Variants in BRCA1 observed in about 807,000 individuals in gnomAD.
BRCA1 encodes the protein BRCA1 DNA repair associated, also known as breast cancer type 1 susceptibility protein.
In BRCA1, 140 loss-of-function variants were observed where a neutral mutation model predicts 173.7. The ratio of observed to expected loss-of-function variants is 0.81; its 90% CI spans 0.70 to 0.93. BRCA1 has a LOEUF of 0.93. Ranked by LOEUF, BRCA1 falls within the 40% of genes least tolerant of loss-of-function variation. BRCA1 has a pLI of 0.00. For missense variants in BRCA1, 1,983 were observed against 2,172.5 expected (o/e 0.91, Z 1.73); for synonymous variants, 662 against 756.0 (o/e 0.88, Z 2.04).
At chr17:43,097,826 C>T (rs1027377234) in intron 7 of BRCA1, among the ~76,000 whole-genome samples, 1 of 152,138 alleles carries the variant, frequency 6.6e-6, no homozygotes, top group African/African-American at 2.4e-5. Flanking sequence ...TAGTTAAGTG[C>T]TCCTAAATAT....
chr17:43,091,010 C>A lies in BRCA1; in HGVS notation c.4119G>T (p.Glu1373Asp). 6.2e-7 allele frequency: 1 copy of A among 1,612,898 alleles called. No homozygotes were observed. The highest frequency in any genetic ancestry group is 8.5e-7 in the Non-Finnish European group (1 of 1,179,586). ...AGTCTTCAGAGACGCTTGTTTCACT[C>A]TCACACCCAGATGCTGCTTCACCTT... ...SNLGEAASGC[E>D]SETSVSEDCS... Residue 1373 changes from glutamate (E) to aspartate (D), a missense_variant, in exon 11 of 23, where the codon GAG becomes GAT. Coordinates refer to ENST00000357654, the MANE Select transcript of BRCA1 (RefSeq NM_007294.4).
chr17:43,075,488 C>A (rs141326951), intron 13 of BRCA1, among the ~76,000 whole-genome samples: 212 of 152,122 alleles, frequency 1.4e-3, no homozygotes, highest in Non-Finnish European at 2.5e-3. Flanking sequence ...TTATTGGGTG[C>A]TTACTATGGG....
chr17:43,058,100 C>T (rs2051588519), intron 18 of BRCA1, among the ~76,000 whole-genome samples: 1 of 150,740 alleles, frequency 6.6e-6, no homozygotes, highest in African/African-American at 2.4e-5. Flanking sequence ...ATGGCTCACA[C>T]CTATAACCCT....
chr17:43,088,587 T>C (rs970492636), intron 11 of BRCA1, among the ~76,000 whole-genome samples: 4 of 152,242 alleles, frequency 2.6e-5, no homozygotes, highest in African/African-American at 9.6e-5. Flanking sequence ...ATGATGCACA[T>C]ATATAACTTT....
intron 4 of BRCA1, among the ~76,000 whole-genome samples, chr17:43,105,929 C>A (rs1328956519): frequency 2.0e-5 from 3 of 151,974 alleles, no homozygotes; most frequent in East Asian, 1.9e-4. Context: ...TCAGGAGTTA[C>A]CAGCCTGGGC....
At position 43,044,822 on chromosome 17, in the gene BRCA1, T is replaced by C; in HGVS notation, c.*856A>G. The C allele has an allele frequency of 2.4e-6, 1 of 414,712 alleles. No homozygotes were observed. The highest frequency in any genetic ancestry group is 1.9e-5 in the South Asian group (1 of 52,652). 25.7% of individuals were successfully genotyped at this position (414,712 alleles called of 1,614,324 possible). A position where few individuals can be genotyped will look rare whatever the true frequency, so the allele number is the denominator to read the frequency against. On this transcript the variant is annotated 3_prime_UTR_variant, in exon 23 of 23. Transcript: ENST00000357654. ...CATTTTCCTTTTTTTTTTTTTTTTTTTGAGCCACAGTCTCACTGTCACCCA... is the reference window on the plus strand; with the variant it reads ...CATTTTCCTTTTTTTTTTTTTTTTTCTGAGCCACAGTCTCACTGTCACCCA...
intron 1 of BRCA1, among the ~76,000 whole-genome samples, chr17:43,133,437 G>C (rs1473411829): frequency 6.6e-6 from 1 of 152,198 alleles, no homozygotes; most frequent in East Asian, 1.9e-4. Context: ...CGTCCCCAGG[G>C]CATTCTGATG....
At chr17:43,143,977 T>C (rs1414678064) in intron 1 of BRCA1, among the ~76,000 whole-genome samples, 1 of 151,946 alleles carries the variant, frequency 6.6e-6, no homozygotes, top group Non-Finnish European at 1.5e-5. Context: ...TCCCAGCACT[T>C]TGGGAGGCTG....
At chr17:43,077,669 T>A (rs569183763) in intron 12 of BRCA1, among the ~76,000 whole-genome samples, 67 of 151,866 alleles carry the variant, frequency 4.4e-4, no homozygotes, top group African/African-American at 1.6e-3. Context: ...CCTCCAAATG[T>A]ATCACTTTGT....
intron 1 of BRCA1, chr17:43,166,328 G>A (rs1177381184): frequency 6.6e-6 from 1 of 152,424 alleles, no homozygotes; most frequent in East Asian, 1.9e-4. Flanking sequence ...TATGTGTTGG[G>A]GGTGGGGGGT....
At chr17:43,067,460 TG>T in intron 16 of BRCA1, 147 bp downstream of exon 16, 1 of 628,508 alleles carries the variant, frequency 1.6e-6, no homozygotes, top group Non-Finnish European at 2.9e-6. Context: ...TTCACCATGC[TG>T]GCCAGGATGG....
At chr17:43,152,699 C>T (rs1282971551) in intron 1 of BRCA1, among the ~76,000 whole-genome samples, 1 of 151,944 alleles carries the variant, frequency 6.6e-6, no homozygotes, top group Non-Finnish European at 1.5e-5. Flanking sequence ...CTAAAAAATA[C>T]AAAAAATTAA....
Position 43,095,861 on chromosome 17 carries a change from C to A in BRCA1, c.655G>T (p.Asp219Tyr), listed in dbSNP as rs273902779. 6.2e-7 allele frequency: 1 copy of A among 1,613,564 alleles called. No individual in the cohort carries two copies. Among genetic ancestry groups the A allele is most frequent in the Non-Finnish European group, 8.5e-7 (1 of 1,179,722 alleles). The change falls in exon 9 of 23, where the codon GAT (aspartate) becomes TAT (tyrosine). Residue 219 changes from aspartate (D) to tyrosine (Y), a missense_variant. Transcript: ENST00000357654. ...PQGTRDEISLDSAKKAACEFS... is the reference protein window; with the variant it reads ...PQGTRDEISLYSAKKAACEFS... ...TTGCCATTACCCTTTTTTGCAGAAT[C>A]CAAACTGATTTCATCCCTGGTTCCT...
In BRCA1 at chr17:43,114,392, T is replaced by TC. The variant is rs1411319734; in HGVS notation, c.134+1333_134+1334insG. ...GCTCTCTGTAGTAAATACTGGGACT[T>TC]TTTTTTTTTTTTTTGAGTCTCCCTC... On this transcript the variant is annotated intron_variant, in intron 3 of 22. Coordinates refer to ENST00000357654, the MANE Select transcript of BRCA1 (RefSeq NM_007294.4). 1.1e-4 allele frequency among the ~76,000 whole-genome samples: 16 copies of TC among 148,378 alleles called. 2 individuals carry two copies. In the Admixed American group the frequency reaches 1.1e-3, roughly 10 times the overall value.
chr17:43,104,122 C>G lies in BRCA1; in HGVS notation c.441G>C (p.Leu147Phe), dbSNP rs748876625. 22 of 1,612,048 alleles carry G rather than the reference C, an allele frequency of 1.4e-5. No individual in the cohort carries two copies. Among genetic ancestry groups the G allele is most frequent in the Non-Finnish European group, 1.9e-5 (22 of 1,179,212 alleles). ...AGAAGAAGAAAACAAATGGTTTTAC[C>G]AAGGAAGGATTTTCGGGTTCACTCT... The part of the protein sequence containing the change: ...LLQSEPENPS[L>F]QETSLSVQLS... The change falls in exon 6 of 23, where the codon TTG (leucine) becomes TTC (phenylalanine). Residue 147 changes from leucine (L) to phenylalanine (F), a missense_variant and splice_region_variant. Transcript: ENST00000357654.
chr17:43,093,127 C>G lies in BRCA1; in HGVS notation c.2404G>C (p.Val802Leu), dbSNP rs876660885. 6.2e-7 allele frequency: 1 copy of G among 1,613,472 alleles called. No homozygotes were observed. ...TTTTCAAATGCTGCACACTGACTCA[C>G]ACATTTATTTGGTTCTGTTTTTGCC... ...GKAKTEPNKC[V>L]SQCAAFENPK... Residue 802 changes from valine (V) to leucine (L), a missense_variant, in exon 10 of 23, where the codon GTG becomes CTG. Physicochemically the swap from Val to Leu is conservative, Grantham distance 32. Coordinates refer to ENST00000357654, the MANE Select transcript of BRCA1 (RefSeq NM_007294.4).
At position 43,089,462 on chromosome 17, in the gene BRCA1, T is replaced by C. The variant is rs1029585731; in HGVS notation, c.4185+1482A>G. ...TTCATATTACATTATCAAATGGTCA[T>C]ATATATGGTAAAGCTTTTATTTATT... On this transcript the variant is annotated intron_variant, in intron 11 of 22. Coordinates refer to ENST00000357654, the MANE Select transcript of BRCA1 (RefSeq NM_007294.4). 3.3e-5 allele frequency among the ~76,000 whole-genome samples: 5 copies of C among 152,266 alleles called. No homozygotes were observed. The East Asian group carries it at 9.6e-4, about 29-fold the overall frequency.
Position 43,045,523 on chromosome 17 carries a change from A to T in BRCA1, c.*155T>A. Reference sequence around the variant, plus strand: ...GAAAATCTTTAAGGGACCCTTGCATAGCCAGAAGTCCTTTTCAGGCTGATG... The same window carrying T: ...GAAAATCTTTAAGGGACCCTTGCATTGCCAGAAGTCCTTTTCAGGCTGATG... On this transcript the variant is annotated 3_prime_UTR_variant, in exon 23 of 23. Transcript: ENST00000357654. 8.3e-7 allele frequency: 1 copy of T among 1,199,852 alleles called. No homozygotes were observed. The highest frequency in any genetic ancestry group is 1.2e-6 in the Non-Finnish European group (1 of 829,234). The allele number at this position is 1,199,852 out of a possible 1,614,324, so 74.3% of individuals were successfully genotyped here. A position where few individuals can be genotyped will look rare whatever the true frequency, so the allele number is the denominator to read the frequency against.
chr17:43,143,010 G>A (rs1001778634), intron 1 of BRCA1, among the ~76,000 whole-genome samples: 3 of 149,158 alleles, frequency 2.0e-5, no homozygotes, highest in African/African-American at 5.0e-5. Flanking sequence ...GTATATATGT[G>A]TGCATATATA....
Sources: gnomAD v4.1 joint callset for allele counts (sites outside exome capture counted in the v4.1 genomes callset) on GRCh38, gnomAD v4.1.1 for gene constraint, MANE v1.5 for transcripts, NCBI Gene and HGNC (gene_info 2026-07-23, HGNC 2026-07-21) for gene names.